The following DPF3 variants were observed in gnomAD, a reference collection of about 807,000 sequenced individuals.
DPF3 encodes zinc finger protein DPF3.
A neutral mutation model predicts 56.8 loss-of-function variants in DPF3; 18 were observed. The observed-to-expected ratio is 0.32, with a 90% CI of 0.22 to 0.47. DPF3 has a LOEUF of 0.47. Ranked by LOEUF, DPF3 falls within the 20% of genes least tolerant of loss-of-function variation. The pLI, the probability that DPF3 is intolerant of heterozygous loss-of-function variation, is 1.00. For missense variants in DPF3, 403 were observed against 488.8 expected (o/e 0.82, Z 1.65); for synonymous variants, 188 against 180.2 (o/e 1.04, Z -0.35).
intron 1 of DPF3, among the ~76,000 whole-genome samples, chr14:72,879,259 T>C (rs1296403774): frequency 1.3e-5 from 2 of 152,046 alleles, no homozygotes; most frequent in Non-Finnish European, 2.9e-5. Context: ...GGTGTGCACC[T>C]ATTGTCCCAG....
intron 7 of DPF3, among the ~76,000 whole-genome samples, chr14:72,684,673 AT>A (rs1887328110): frequency 1.3e-5 from 2 of 152,128 alleles, no homozygotes; most frequent in African/African-American, 4.8e-5. Context: ...ATGACCTAGA[AT>A]TTGTAATGCA....
intron 6 of DPF3, among the ~76,000 whole-genome samples, chr14:72,696,126 G>C (rs1466137273): frequency 6.6e-6 from 1 of 152,118 alleles, no homozygotes; most frequent in African/African-American, 2.4e-5. Flanking sequence ...CATACTGTTA[G>C]TAAGGAATAA....
chr14:72,614,211 C>G lies in DPF3; in HGVS notation c.*5086G>C, dbSNP rs1213284287. On this transcript the variant is annotated 3_prime_UTR_variant, in exon 11 of 11. Coordinates refer to ENST00000556509, the MANE Select transcript of DPF3 (RefSeq NM_001280542.3). Reference sequence around the variant, plus strand: ...GGGGGAGGGAGCCCCAACCCCCAGACAGCTATGGAGCCCACCTTCTGACCA... The same window carrying G: ...GGGGGAGGGAGCCCCAACCCCCAGAGAGCTATGGAGCCCACCTTCTGACCA... Among the ~76,000 whole-genome samples, 1 of 152,226 alleles carries G rather than the reference C, an allele frequency of 6.6e-6. No individual in the cohort carries two copies. The highest frequency in any genetic ancestry group is 1.5e-5 in the Non-Finnish European group (1 of 68,048).
At chr14:72,871,087 G>C (rs996002210) in intron 1 of DPF3, among the ~76,000 whole-genome samples, 2 of 152,198 alleles carry the variant, frequency 1.3e-5, no homozygotes, top group Admixed American at 1.3e-4. Flanking sequence ...AGATAAACCC[G>C]TCAGATCTTG....
intron 8 of DPF3, chr14:72,670,983 A>C: frequency 4.0e-6 from 3 of 757,832 alleles, no homozygotes; most frequent in Non-Finnish European, 5.8e-6. Flanking sequence ...GGGGGGAGGG[A>C]TGGAGGGACA....
At chr14:72,740,020 G>A (rs182273152) in intron 3 of DPF3, among the ~76,000 whole-genome samples, 26 of 152,198 alleles carry the variant, frequency 1.7e-4, no homozygotes, top group Non-Finnish European at 2.5e-4. Context: ...ATGGGAGGGG[G>A]GTTACACTTT....
chr14:72,708,908 G>A (rs1291353416), intron 6 of DPF3, among the ~76,000 whole-genome samples: 1 of 152,236 alleles, frequency 6.6e-6, no homozygotes, highest in Non-Finnish European at 1.5e-5. Flanking sequence ...GGGAAGGAGT[G>A]CTGATCAGGG....
Position 72,885,552 on chromosome 14 carries a change from C to T in DPF3, c.32+8505G>A, listed in dbSNP as rs530825006. Among the ~76,000 whole-genome samples, 5 of 152,102 alleles carry T rather than the reference C, an allele frequency of 3.3e-5. No homozygotes were observed. In the South Asian group the frequency reaches 1.0e-3, roughly 32 times the overall value. On this transcript the variant is annotated intron_variant, in intron 1 of 10. Coordinates refer to ENST00000556509, the MANE Select transcript of DPF3 (RefSeq NM_001280542.3). ...CCGAGTAGCTAGGACCACAGGTGTA[C>T]ACCACCACACCCGGCTTTTTTTTTT...
chr14:72,874,651 G>C (rs544178296), intron 1 of DPF3, among the ~76,000 whole-genome samples: 1 of 152,152 alleles, frequency 6.6e-6, no homozygotes, highest in Non-Finnish European at 1.5e-5. Context: ...TTCTCTACAA[G>C]TTCCTCATCT....
chr14:72,784,678 G>C (rs1215951047), intron 1 of DPF3, among the ~76,000 whole-genome samples: 1 of 152,180 alleles, frequency 6.6e-6, no homozygotes, highest in Non-Finnish European at 1.5e-5. Context: ...TTGAAAATGG[G>C]CCAGGCACAG....
At chr14:72,700,898 T>G (rs1888130635) in intron 6 of DPF3, among the ~76,000 whole-genome samples, 1 of 152,208 alleles carries the variant, frequency 6.6e-6, no homozygotes, top group Admixed American at 6.5e-5. Context: ...GCTGCTCTCA[T>G]CACCACTGCT....
chr14:72,723,579 CG>C, intron 5 of DPF3, 53 bp downstream of exon 5: 1 of 1,446,006 alleles, frequency 6.9e-7, no homozygotes, highest in Middle Eastern at 1.8e-4. Context: ...AATCGTTGGC[CG>C]GGCACCCCAG....
At chr14:72,879,454 C>CT (rs1368620568) in intron 1 of DPF3, among the ~76,000 whole-genome samples, 3 of 151,936 alleles carry the variant, frequency 2.0e-5, no homozygotes, top group Non-Finnish European at 4.4e-5. Flanking sequence ...TGCTAACTAA[C>CT]TCCTGTCAAT....
At chr14:72,754,062 G>A (rs1770374876) in intron 2 of DPF3, among the ~76,000 whole-genome samples, 1 of 151,444 alleles carries the variant, frequency 6.6e-6, no homozygotes, top group East Asian at 1.9e-4. Flanking sequence ...GTGCCACCCT[G>A]TGTGTGTGGC....
chr14:72,714,193 T>G (rs1599378413), intron 6 of DPF3, among the ~76,000 whole-genome samples: 1 of 151,586 alleles, frequency 6.6e-6, no homozygotes, highest in South Asian at 2.1e-4. Flanking sequence ...GAACTGAGGG[T>G]GGGGGCCACC....
intron 1 of DPF3, among the ~76,000 whole-genome samples, chr14:72,885,739 T>C (rs1169481293): frequency 6.6e-6 from 1 of 152,012 alleles, no homozygotes; most frequent in African/African-American, 2.4e-5. Context: ...GACCTAGGCA[T>C]AGTGAAAACC....
At chr14:72,791,808 G>A (rs946120328) in intron 1 of DPF3, among the ~76,000 whole-genome samples, 16 of 152,146 alleles carry the variant, frequency 1.1e-4, no homozygotes, top group African/African-American at 3.6e-4. Context: ...TAGATCCCAG[G>A]TCAGCCCAAA....
intron 3 of DPF3, among the ~76,000 whole-genome samples, chr14:72,734,592 C>G (rs1172269323): frequency 6.6e-6 from 1 of 152,174 alleles, no homozygotes; most frequent in African/African-American, 2.4e-5. Flanking sequence ...GCCTTCGCAG[C>G]ACTAAATAAA....
rs908044445 is a variant in DPF3 at position 72,766,680 on chromosome 14, G to A, written c.193+5053C>T. Among the ~76,000 whole-genome samples the A allele has an allele frequency of 1.1e-4, 16 of 152,286 alleles. No homozygotes were observed. The East Asian group carries it at 2.9e-3, about 28-fold the overall frequency. ...TTGCTTAGGCTAGTTTCGAACTCCT[G>A]GGCTCAAGCAATCCTCCTCCTTTGG... On this transcript the variant is annotated intron_variant, in intron 2 of 10. Transcript: ENST00000556509.
Sources: gnomAD v4.1 joint callset for allele counts (sites outside exome capture counted in the v4.1 genomes callset) on GRCh38, gnomAD v4.1.1 for gene constraint, MANE v1.5 for transcripts, NCBI Gene and HGNC (gene_info 2026-07-23, HGNC 2026-07-21) for gene names.